Variants in COBL observed in about 807,000 individuals in gnomAD.
COBL encodes cordon-bleu WH2 repeat protein, also known as protein cordon-bleu.
COBL carries 51 observed loss-of-function variants against 98.8 expected under a neutral mutation model. That is an observed-to-expected ratio of 0.52 (90% CI 0.41 to 0.65). The LOEUF is 0.65. Ranked by LOEUF, COBL falls within the 30% of genes least tolerant of loss-of-function variation. The pLI is 0.00. For missense variants in COBL, 1,617 were observed against 1,617.5 expected (o/e 1.00, Z 0.01); for synonymous variants, 634 against 651.7 (o/e 0.97, Z 0.41).
chr7:51,223,798 A>G (rs976603890), intron 1 of COBL, among the ~76,000 whole-genome samples: 2 of 152,216 alleles, frequency 1.3e-5, no homozygotes, highest in Non-Finnish European at 2.9e-5. Flanking sequence ...GGAGCTTAAA[A>G]TATGCCCAGG....
chr7:51,097,599 A>G (rs1484572146), intron 6 of COBL, among the ~76,000 whole-genome samples: 1 of 152,236 alleles, frequency 6.6e-6, no homozygotes, highest in Non-Finnish European at 1.5e-5. Flanking sequence ...CATTCAGCAA[A>G]GTTGCAGGAT....
intron 6 of COBL, among the ~76,000 whole-genome samples, chr7:51,097,198 C>T (rs1276033555): frequency 6.6e-6 from 1 of 152,106 alleles, no homozygotes; most frequent in Non-Finnish European, 1.5e-5. Context: ...AAACATCAAT[C>T]AATGTAATAT....
At chr7:51,267,365 C>T (rs571574181) in intron 1 of COBL, among the ~76,000 whole-genome samples, 1 of 152,268 alleles carries the variant, frequency 6.6e-6, no homozygotes, top group South Asian at 2.1e-4. Context: ...CAGGACCTGA[C>T]TCACAGCCAC....
At chr7:51,069,106 G>A (rs2128921116) in intron 7 of COBL, among the ~76,000 whole-genome samples, 1 of 152,288 alleles carries the variant, frequency 6.6e-6, no homozygotes, top group Non-Finnish European at 1.5e-5. Flanking sequence ...TGCCTTCTGG[G>A]GCATTCCCTG....
intron 1 of COBL, among the ~76,000 whole-genome samples, chr7:51,309,278 T>C (rs1455736911): frequency 1.3e-5 from 2 of 152,112 alleles, no homozygotes; most frequent in East Asian, 3.9e-4. Flanking sequence ...CATCTCCCCC[T>C]CCTCAGGCCA....
chr7:51,134,778 G>C (rs1799070951), intron 6 of COBL, among the ~76,000 whole-genome samples: 1 of 152,038 alleles, frequency 6.6e-6, no homozygotes, highest in Non-Finnish European at 1.5e-5. Flanking sequence ...AAATTAATGA[G>C]ACACACTGCA....
chr7:51,022,104 C>T (rs560745354), intron 12 of COBL, among the ~76,000 whole-genome samples: 1 of 152,076 alleles, frequency 6.6e-6, no homozygotes, highest in African/African-American at 2.4e-5. Context: ...CTGGGATCAC[C>T]GGGCATGGTA....
intron 6 of COBL, among the ~76,000 whole-genome samples, chr7:51,086,077 G>A (rs1174185670): frequency 6.6e-6 from 1 of 152,132 alleles, no homozygotes; most frequent in African/African-American, 2.4e-5. Flanking sequence ...CTTTGTTTCT[G>A]AAGGACTACA....
intron 6 of COBL, among the ~76,000 whole-genome samples, chr7:51,086,660 A>G (rs1194256943): frequency 6.6e-6 from 1 of 152,000 alleles, no homozygotes; most frequent in Admixed American, 6.6e-5. Flanking sequence ...GTGTGTGTGT[A>G]AAAAGTCTCC....
intron 1 of COBL, among the ~76,000 whole-genome samples, chr7:51,315,479 A>T (rs1803461950): frequency 6.6e-6 from 1 of 152,230 alleles, no homozygotes; most frequent in African/African-American, 2.4e-5. Flanking sequence ...GTAACAGAAA[A>T]AAAGATTTGT....
chr7:51,164,324 A>C, intron 5 of COBL, among the ~76,000 whole-genome samples: 1 of 152,190 alleles, frequency 6.6e-6, no homozygotes, highest in East Asian at 1.9e-4. Context: ...GGCAGTTACT[A>C]ATGAAACTCC....
At chr7:51,286,463 C>A (rs1338414608) in intron 1 of COBL, among the ~76,000 whole-genome samples, 1 of 149,892 alleles carries the variant, frequency 6.7e-6, no homozygotes, top group African/African-American at 2.4e-5. Context: ...TGAACAGATA[C>A]TTCTTAAAAT....
At chr7:51,137,545 C>T (rs1192695649) in intron 5 of COBL, among the ~76,000 whole-genome samples, 2 of 150,622 alleles carry the variant, frequency 1.3e-5, no homozygotes, top group Non-Finnish European at 2.9e-5. Flanking sequence ...TGTAGTGAGC[C>T]ATGCTGGTGT....
intron 8 of COBL, among the ~76,000 whole-genome samples, chr7:51,041,645 A>T (rs1342570449): frequency 1.3e-5 from 2 of 151,658 alleles, no homozygotes; most frequent in Non-Finnish European, 2.9e-5. Flanking sequence ...CACCACACCC[A>T]GCCAATTTTT....
chr7:51,078,493 T>C (rs1583705161), intron 7 of COBL, among the ~76,000 whole-genome samples: 1 of 152,232 alleles, frequency 6.6e-6, no homozygotes, highest in Non-Finnish European at 1.5e-5. Context: ...CTGGGATTCC[T>C]GTTCCATGAG....
At chr7:51,185,742 A>T (rs1197078866) in intron 4 of COBL, among the ~76,000 whole-genome samples, 1 of 152,256 alleles carries the variant, frequency 6.6e-6, no homozygotes, top group Non-Finnish European at 1.5e-5. Flanking sequence ...TATTAATGCA[A>T]ACAAGGTAAC....
chr7:51,113,100 A>G (rs934753941), intron 6 of COBL, among the ~76,000 whole-genome samples: 2 of 152,208 alleles, frequency 1.3e-5, no homozygotes, highest in African/African-American at 2.4e-5. Flanking sequence ...TTGGAGAGGT[A>G]CTGGTCCCAC....
chr7:51,137,913 T>C (rs1181267664), intron 5 of COBL, among the ~76,000 whole-genome samples: 1 of 152,310 alleles, frequency 6.6e-6, no homozygotes, highest in South Asian at 2.1e-4. Flanking sequence ...AAAATGAAGA[T>C]ATAAAGGAAA....
chr7:51,139,315 CTCA>C (rs1329725085), intron 5 of COBL, among the ~76,000 whole-genome samples: 1 of 152,108 alleles, frequency 6.6e-6, no homozygotes, highest in Admixed American at 6.6e-5. Flanking sequence ...TGGCCATGAC[CTCA>C]TGAGGGCCAC....
Sources: allele counts gnomAD v4.1 joint callset (sites outside exome capture counted in the v4.1 genomes callset), GRCh38; gene constraint gnomAD v4.1.1; transcripts MANE v1.5; gene names NCBI Gene and HGNC (gene_info 2026-07-23, HGNC 2026-07-21).